Variants in NT5DC2 observed in about 807,000 individuals in gnomAD.
NT5DC2 encodes 5'-nucleotidase domain containing 2.
Under a neutral mutation model 70.0 loss-of-function variants are expected in NT5DC2, and 41 were observed. The ratio of observed to expected loss-of-function variants is 0.59; its 90% CI spans 0.46 to 0.76. NT5DC2 has a LOEUF of 0.76. NT5DC2 is among the 30% of genes least tolerant of loss of function. The probability of loss-of-function intolerance (pLI) is 0.00; values close to 1 mark genes in which losing one functional copy is unlikely to be tolerated. For synonymous variants in NT5DC2, 299 were observed against 310.4 expected (o/e 0.96, Z 0.39); for missense variants, 705 against 783.2 (o/e 0.90, Z 1.19).
intron 1 of NT5DC2, 40 bp downstream of exon 1, chr3:52,533,466 G>A (rs751319870): frequency 6.7e-7 from 1 of 1,483,516 alleles, no homozygotes; most frequent in South Asian, 1.2e-5. Context: ...CAGTCCACGC[G>A]GAAGACACCC....
At position 52,524,725 on chromosome 3, in the gene NT5DC2, G is replaced by T; in HGVS notation, c.1419C>A (p.Ile473=). 6.2e-7 allele frequency: 1 copy of T among 1,612,688 alleles called. No homozygotes were observed. The highest frequency in any genetic ancestry group is 1.1e-5 in the South Asian group (1 of 91,086). The change falls in exon 14 of 14, where the codon ATC becomes ATA. Residue 473 remains isoleucine (I), a synonymous_variant. Transcript: ENST00000422318. ...WMKERQELRC[I]TKALFNAQFG... ...ACTGCGCATTGAACAGGGCCTTGGT[G>T]ATGCACCTGGCGAGGGAGACACGAT...
At chr3:52,525,356 T>C in intron 10 of NT5DC2, 61 bp from the exon 11 acceptor site, 1 of 1,357,840 alleles carries the variant, frequency 7.4e-7, no homozygotes, top group Non-Finnish European at 1.0e-6. Context: ...CAGTCCTCCC[T>C]CCCGAATCCC....
upstream of NT5DC2, chr3:52,534,035 A>C: frequency 4.8e-6 from 1 of 209,738 alleles, no homozygotes; most frequent in Non-Finnish European, 8.6e-6. Flanking sequence ...CACGCCGGCG[A>C]TGGCGGCGCC....
chr3:52,532,521 C>T, intron 1 of NT5DC2: 2 of 984,556 alleles, frequency 2.0e-6, no homozygotes, highest in South Asian at 4.7e-5. Flanking sequence ...GAGTGAAAAC[C>T]CCTGTCTAGC....
Position 52,527,322 on chromosome 3 carries a change from C to T in NT5DC2, c.1091G>A (p.Arg364His), listed in dbSNP as rs372853249. Residue 364 changes from arginine to histidine, a missense_variant, in exon 10 of 14, where the codon CGC becomes CAC. Transcript: ENST00000422318. ...KGSLQWDRIT[R>H]LEKGKIYRQG... ...CCGATAGATCTTGCCCTTTTCCAAG[C>T]GGGTGATCCGGTCCCACTGAAGTGA... The T allele has an allele frequency of 3.5e-5, 57 of 1,614,146 alleles. No individual in the cohort carries two copies. The highest frequency in any genetic ancestry group is 1.9e-4 in the African/African-American group (14 of 75,062).
intron 13 of NT5DC2, 37 bp downstream of exon 13, chr3:52,524,780 C>T (rs768902488): frequency 2.1e-5 from 34 of 1,612,452 alleles, no homozygotes; most frequent in Non-Finnish European, 2.8e-5. Flanking sequence ...GGGGTGGTGG[C>T]TTGGCTGGGA....
chr3:52,534,768 G>T, upstream of NT5DC2: 1 of 1,424,410 alleles, frequency 7.0e-7, no homozygotes, highest in Non-Finnish European at 9.5e-7. Flanking sequence ...AGCTGGGCGC[G>T]CGTTGTTTTC....
chr3:52,525,365 C>T (rs1559735708), intron 10 of NT5DC2, 70 bp from the exon 11 acceptor site: 35 of 1,273,798 alleles, frequency 2.7e-5, no homozygotes, highest in Non-Finnish European at 3.9e-5. Flanking sequence ...CTCCCGAATC[C>T]CCAGAGGCAG....
intron 5 of NT5DC2, 62 bp from the exon 6 acceptor site, chr3:52,528,373 CGAG>C: frequency 1.2e-6 from 2 of 1,613,174 alleles, no homozygotes; most frequent in Non-Finnish European, 1.7e-6. Context: ...GTGCTGGAGA[CGAG>C]GGCCCCAAAT....
At chr3:52,526,013 GAGAA>G (rs1406345659) in intron 10 of NT5DC2, 1 of 151,990 alleles carries the variant, frequency 6.6e-6, no homozygotes, top group Non-Finnish European at 1.5e-5. Flanking sequence ...CCCAGACCAA[GAGAA>G]AGAGTCTCAA....
At position 52,525,267 on chromosome 3, in the gene NT5DC2, G is replaced by A. The variant is rs755305959; in HGVS notation, c.1148C>T (p.Thr383Met). ...GAGCACGCGGGGGCCACGCCATTCC[G>A]TCAAGCGTAAGAAGTCAAACAGGTT... ...QGNLFDFLRLTEWRGPRVLYF... is the reference protein window; with the variant it reads ...QGNLFDFLRLMEWRGPRVLYF... Residue 383 changes from threonine to methionine, a missense_variant, in exon 11 of 14, where the codon ACG (threonine) becomes ATG (methionine). Coordinates refer to ENST00000422318, the MANE Select transcript of NT5DC2 (RefSeq NM_001134231.2). 1.1e-5 allele frequency: 17 copies of A among 1,612,828 alleles called. 1 individual carries two copies. Among genetic ancestry groups the A allele is most frequent in the East Asian group, 6.7e-5 (3 of 44,874 alleles).
rs1559742608 is a variant in NT5DC2, at chr3:52,533,806, C to G, written c.-69G>C. 1.0e-6 allele frequency: 1 copy of G among 978,242 alleles called. No homozygotes were observed. Among genetic ancestry groups the G allele is most frequent in the East Asian group, 1.1e-4 (1 of 8,698 alleles). 60.6% of individuals were successfully genotyped at this position (978,242 alleles called of 1,614,324 possible). A position where few individuals can be genotyped will look rare whatever the true frequency, so the allele number is the denominator to read the frequency against. The stretch of plus-strand genomic sequence containing the variant: ...CCGCCGCCCGCCGCCCGCCGCCCTC[C>G]GACTGCGCGCCCGCCACGGTGGCCT... On this transcript the variant is annotated 5_prime_UTR_variant, in exon 1 of 14. Coordinates refer to ENST00000422318, the MANE Select transcript of NT5DC2 (RefSeq NM_001134231.2).
chr3:52,525,283 C>CAA lies in NT5DC2; in HGVS notation c.1130_1131dup (p.Asp378LeufsTer6), dbSNP rs756433813. On this transcript the variant is annotated frameshift_variant, in exon 11 of 14. Coordinates refer to ENST00000422318, the MANE Select transcript of NT5DC2 (RefSeq NM_001134231.2). LOFTEE classifies it high-confidence loss of function. The stretch of plus-strand genomic sequence containing the variant: ...CGCCATTCCGTCAAGCGTAAGAAGT[C>CAA]AAACAGGTTTCCCTAGGGAGAGGAG... The CAA allele has an allele frequency of 1.2e-6, 2 of 1,612,656 alleles. No individual in the cohort carries two copies. Among genetic ancestry groups the CAA allele is most frequent in the Non-Finnish European group, 1.7e-6 (2 of 1,179,868 alleles).
intron 10 of NT5DC2, chr3:52,525,599 C>T (rs1654033478): frequency 2.7e-6 from 1 of 368,176 alleles, no homozygotes; most frequent in Admixed American, 4.4e-5. Context: ...AAGGTAGAAA[C>T]TGCAGGGAAG....
In NT5DC2 at chr3:52,533,499, C is replaced by A; in HGVS notation, c.232+7G>T. On this transcript the variant is annotated splice_region_variant and intron_variant, in intron 1 of 13. Transcript: ENST00000422318. ...CCCCGGCGCACGTCCCGCCCCGGCT[C>A]ACCCACCGTGCACCAGTCTCCGCAT... The A allele has an allele frequency of 1.3e-6, 2 of 1,497,068 alleles. No individual in the cohort carries two copies. Among genetic ancestry groups the A allele is most frequent in the Admixed American group, 4.3e-5 (2 of 47,028 alleles). The allele number at this position is 1,497,068 out of a possible 1,614,324, so 92.7% of individuals were successfully genotyped here.
intron 9 of NT5DC2, 116 bp from the exon 10 acceptor site, chr3:52,527,491 G>A (rs2153235758): frequency 6.9e-7 from 1 of 1,453,070 alleles, no homozygotes; most frequent in Non-Finnish European, 9.5e-7. Context: ...CCAGCAAGGG[G>A]GTGTTCTCAC....
At position 52,527,938 on chromosome 3, in the gene NT5DC2, G is replaced by C. The variant is rs1241649319; in HGVS notation, c.833-7C>G. ...CCTCTCAGGATGTACTTCTCTAATG[G>C]GGCAGATGAGTCTGTGAGGGTCAGT... On this transcript the variant is annotated splice_region_variant and splice_polypyrimidine_tract_variant and intron_variant, in intron 7 of 13. Coordinates refer to ENST00000422318, the MANE Select transcript of NT5DC2 (RefSeq NM_001134231.2). The C allele has an allele frequency of 8.7e-6, 14 of 1,613,414 alleles. No individual in the cohort carries two copies. The highest frequency in any genetic ancestry group is 1.1e-5 in the Non-Finnish European group (13 of 1,179,980).
chr3:52,528,321 G>A lies in NT5DC2; in HGVS notation c.643-10C>T, dbSNP rs759773944. 6.2e-7 allele frequency: 1 copy of A among 1,613,180 alleles called. No homozygotes were observed. The highest frequency in any genetic ancestry group is 1.7e-5 in the Admixed American group (1 of 60,024). On this transcript the variant is annotated splice_polypyrimidine_tract_variant and intron_variant, in intron 5 of 13. Transcript: ENST00000422318. ...GCTTAATGGAGGGACCCTGGGGAGG[G>A]GGCCATTGTCTCAGACACCCTTTGG... is the stretch of plus-strand genomic sequence containing the variant.
chr3:52,525,618 G>C (rs1347853015), intron 10 of NT5DC2: 1 of 316,192 alleles, frequency 3.2e-6, no homozygotes, highest in African/African-American at 2.2e-5. Context: ...AGGCTCTGCA[G>C]CCCTGAAGTC....
Sources: allele counts gnomAD v4.1 joint callset, GRCh38; gene constraint gnomAD v4.1.1; transcripts MANE v1.5; gene names NCBI Gene and HGNC (gene_info 2026-07-23, HGNC 2026-07-21).